Variants in VEGFC observed in about 807,000 individuals in gnomAD.
VEGFC encodes FLT4 ligand DHM.
VEGFC carries 12 observed loss-of-function variants against 46.1 expected under a neutral mutation model. The ratio of observed to expected loss-of-function variants is 0.26; its 90% CI spans 0.17 to 0.42. The LOEUF (loss-of-function observed/expected upper bound fraction) is 0.42, where lower values mean the gene tolerates loss of function less well. Among genes scored for constraint, VEGFC ranks in the 10% least tolerant of loss-of-function variants. The pLI, the probability that VEGFC is intolerant of heterozygous loss-of-function variation, is 1.00. For missense variants in VEGFC, 488 were observed against 529.4 expected, an observed-to-expected ratio of 0.92 and a Z score of 0.77; for synonymous variants, 232 against 195.5, an observed-to-expected ratio of 1.19 and a Z score of -1.56.
chr4:176,768,724 C>T (rs2110923317), intron 1 of VEGFC, among the ~76,000 whole-genome samples: 1 of 151,878 alleles, frequency 6.6e-6, no homozygotes, highest in Non-Finnish European at 1.5e-5. Context: ...GCCTTAATTT[C>T]CCACTGTCAG....
At chr4:176,756,206 T>C (rs1170846391) in intron 1 of VEGFC, among the ~76,000 whole-genome samples, 1 of 152,098 alleles carries the variant, frequency 6.6e-6, no homozygotes, top group East Asian at 1.9e-4. Context: ...GGAGATACTA[T>C]TTTCTTATTT....
intron 3 of VEGFC, among the ~76,000 whole-genome samples, chr4:176,722,344 G>T (rs1183518418): frequency 6.6e-6 from 1 of 152,082 alleles, no homozygotes; most frequent in Admixed American, 6.6e-5. Context: ...GATTCCATGT[G>T]ATCTAAAGTA....
At chr4:176,688,651 C>T (rs1734091605) in intron 4 of VEGFC, among the ~76,000 whole-genome samples, 1 of 151,436 alleles carries the variant, frequency 6.6e-6, no homozygotes, top group Non-Finnish European at 1.5e-5. Flanking sequence ...ACCTTCCTTC[C>T]TTGTTTTAGA....
At chr4:176,695,028 GA>G (rs1433210860) in intron 4 of VEGFC, among the ~76,000 whole-genome samples, 94 of 124,416 alleles carry the variant, frequency 7.6e-4, no homozygotes, top group African/African-American at 3.2e-3. Context: ...GAGAAAGCAG[GA>G]AAGATCCAAA....
chr4:176,759,836 C>T lies in VEGFC; in HGVS notation c.148-30090G>A, dbSNP rs867005244. ...GAGAGATGCAGCAATTGGTTTATAT[C>T]GCATTTGCCAGTGAAATAAATTTAA... is the stretch of plus-strand genomic sequence containing the variant. On this transcript the variant is annotated intron_variant, in intron 1 of 6. Transcript: ENST00000618562. Among the ~76,000 whole-genome samples the T allele has an allele frequency of 3.3e-5, 5 of 151,868 alleles. No homozygotes were observed. The East Asian group carries it at 5.8e-4, about 18-fold the overall frequency.
intron 1 of VEGFC, among the ~76,000 whole-genome samples, chr4:176,779,228 GAATTTA>G (rs993343273): frequency 2.0e-5 from 3 of 152,004 alleles, no homozygotes; most frequent in African/African-American, 2.4e-5. Context: ...TTTTCCAAAA[GAATTTA>G]AATTTAAATT....
rs1460328657 is a variant in VEGFC at position 176,683,920 on chromosome 4, A to G, written c.*6T>C. The stretch of plus-strand genomic sequence containing the variant: ...GAAAATCGATGAACTGGAAAACAGT[A>G]CAATCTTAGCTCATTTGTGGTCTTT... On this transcript the variant is annotated 3_prime_UTR_variant, in exon 7 of 7. Coordinates refer to ENST00000618562, the MANE Select transcript of VEGFC (RefSeq NM_005429.5). 3 of 1,603,762 alleles carry G rather than the reference A, an allele frequency of 1.9e-6. No individual in the cohort carries two copies. Among genetic ancestry groups the G allele is most frequent in the Non-Finnish European group, 2.6e-6 (3 of 1,170,518 alleles).
intron 1 of VEGFC, among the ~76,000 whole-genome samples, chr4:176,789,508 T>A (rs1381918325): frequency 6.6e-6 from 1 of 152,224 alleles, no homozygotes; most frequent in African/African-American, 2.4e-5. Flanking sequence ...AAATCTCTTA[T>A]AAGAGTAGAT....
intron 4 of VEGFC, among the ~76,000 whole-genome samples, chr4:176,692,597 G>C (rs57252593): frequency 4.0e-5 from 5 of 123,542 alleles, no homozygotes; most frequent in Non-Finnish European, 6.4e-5. Flanking sequence ...CAAAGCAGCC[G>C]GGAAGCTCGA....
intron 3 of VEGFC, among the ~76,000 whole-genome samples, chr4:176,714,042 G>C (rs1475233863): frequency 6.6e-6 from 1 of 152,140 alleles, no homozygotes; most frequent in Non-Finnish European, 1.5e-5. Context: ...GTGGGAAAGG[G>C]CTCAAGTGGC....
intron 1 of VEGFC, among the ~76,000 whole-genome samples, chr4:176,791,585 CT>C (rs1304241302): frequency 6.6e-6 from 1 of 151,092 alleles, no homozygotes; most frequent in African/African-American, 2.5e-5. Context: ...TGATTGTGAT[CT>C]AACTGACTCT....
At chr4:176,774,004 T>C (rs73872179) in intron 1 of VEGFC, among the ~76,000 whole-genome samples, 5,151 of 152,228 alleles carry the variant, frequency 0.034, 279 homozygotes, top group African/African-American at 0.12. Context: ...GTTATTAAAC[T>C]CAACAATGCT....
intron 1 of VEGFC, among the ~76,000 whole-genome samples, chr4:176,741,251 G>GA (rs1008887592): frequency 3.3e-5 from 5 of 151,872 alleles, no homozygotes; most frequent in Non-Finnish European, 5.9e-5. Context: ...TACGGAACAG[G>GA]AAAAAAATGT....
At chr4:176,721,134 G>T (rs1040572232) in intron 3 of VEGFC, among the ~76,000 whole-genome samples, 1 of 152,274 alleles carries the variant, frequency 6.6e-6, no homozygotes, top group East Asian at 1.9e-4. Context: ...GGTCTTAGTG[G>T]TAAGTAGTGT....
chr4:176,790,024 T>C (rs1736064322), intron 1 of VEGFC, among the ~76,000 whole-genome samples: 1 of 152,244 alleles, frequency 6.6e-6, no homozygotes, highest in Admixed American at 6.5e-5. Context: ...TCTCCCCAGT[T>C]CTTCTCTAGT....
chr4:176,706,175 C>T (rs1218910930), intron 4 of VEGFC: 1 of 152,104 alleles, frequency 6.6e-6, no homozygotes, highest in East Asian at 1.9e-4. Context: ...TATAAGTGCT[C>T]TAAGTTCAGA....
At chr4:176,685,164 T>C (rs187772152) in intron 6 of VEGFC, among the ~76,000 whole-genome samples, 27 of 152,370 alleles carry the variant, frequency 1.8e-4, no homozygotes, top group African/African-American at 6.0e-4. Flanking sequence ...ACAATTTGGT[T>C]TTGACATTTC....
At chr4:176,743,130 G>A (rs552412567) in intron 1 of VEGFC, among the ~76,000 whole-genome samples, 1 of 152,126 alleles carries the variant, frequency 6.6e-6, no homozygotes, top group African/African-American at 2.4e-5. Context: ...GAGTCAAAAG[G>A]TAGACCTGGG....
At chr4:176,701,304 T>C (rs538575465) in intron 4 of VEGFC, among the ~76,000 whole-genome samples, 23 of 152,338 alleles carry the variant, frequency 1.5e-4, no homozygotes, top group Admixed American at 1.4e-3. Flanking sequence ...TGGTCTAATA[T>C]GATATTAACA....
Sources: allele counts gnomAD v4.1 joint callset (sites outside exome capture counted in the v4.1 genomes callset), GRCh38; gene constraint gnomAD v4.1.1; transcripts MANE v1.5; gene names NCBI Gene and HGNC (gene_info 2026-07-23, HGNC 2026-07-21).